Variants in FAM227B observed in about 807,000 individuals in gnomAD.
FAM227B encodes the protein protein FAM227B.
FAM227B carries 88 observed loss-of-function variants against 73.8 expected under a neutral mutation model. That is an observed-to-expected ratio of 1.19 (90% CI 1.00 to 1.42). The LOEUF (loss-of-function observed/expected upper bound fraction) is 1.42, where lower values mean the gene tolerates loss of function less well. Among genes scored for constraint, FAM227B ranks in the 40% most tolerant of loss-of-function variants. The pLI, the probability that FAM227B is intolerant of heterozygous loss-of-function variation, is 0.00. For synonymous variants in FAM227B, 210 were observed against 190.5 expected, an observed-to-expected ratio of 1.10 and a Z score of -0.84; for missense variants, 632 against 590.9, an observed-to-expected ratio of 1.07 and a Z score of -0.72.
intron 5 of FAM227B, among the ~76,000 whole-genome samples, chr15:49,581,493 T>A (rs1253750238): frequency 6.6e-6 from 1 of 152,118 alleles, no homozygotes; most frequent in Non-Finnish European, 1.5e-5. Context: ...TAATTTTGTA[T>A]TTTTAGTAGA....
chr15:49,403,296 G>T (rs1186310240), intron 11 of FAM227B, among the ~76,000 whole-genome samples: 2 of 152,178 alleles, frequency 1.3e-5, no homozygotes, highest in South Asian at 2.1e-4. Flanking sequence ...GAGCTAGGGA[G>T]GGGTCCCTCC....
At chr15:49,422,120 TAGAGAGAG>T (rs3075167) in intron 11 of FAM227B, among the ~76,000 whole-genome samples, 9 of 134,464 alleles carry the variant, frequency 6.7e-5, no homozygotes, top group African/African-American at 1.7e-4. Context: ...GCATTTCACA[TAGAGAGAG>T]AGAGAGAGAG....
intron 11 of FAM227B, among the ~76,000 whole-genome samples, chr15:49,495,949 G>C (rs1051029516): frequency 2.0e-5 from 3 of 152,070 alleles, no homozygotes; most frequent in African/African-American, 7.2e-5. Flanking sequence ...CTTGAACCCG[G>C]GAGGCAGAGG....
rs1303014955 is a variant in FAM227B, at chr15:49,585,722, T to A, written c.405+2294A>T. ...TGGGTGGAGGGGGGAGGGATAGCAG[T>A]AGGAGATATACCTAATGCTAAATGA... On this transcript the variant is annotated intron_variant, in intron 5 of 15. Transcript: ENST00000299338. Among the ~76,000 whole-genome samples the A allele has an allele frequency of 4.6e-5, 7 of 152,114 alleles. No individual in the cohort carries two copies. In the East Asian group the frequency reaches 1.3e-3, roughly 29 times the overall value.
intron 13 of FAM227B, among the ~76,000 whole-genome samples, chr15:49,351,849 G>C (rs1206931389): frequency 6.6e-6 from 1 of 152,214 alleles, no homozygotes; most frequent in African/African-American, 2.4e-5. Flanking sequence ...TTAGTCAGTG[G>C]ATGTGGGCTA....
chr15:49,441,008 T>C (rs1390469267), intron 11 of FAM227B, among the ~76,000 whole-genome samples: 1 of 151,828 alleles, frequency 6.6e-6, no homozygotes, highest in African/African-American at 2.4e-5. Context: ...TAATGTTTTA[T>C]CTTTCAAAGT....
chr15:49,329,806 TAAAAAA>T, intron 15 of FAM227B: 9 of 729,234 alleles, frequency 1.2e-5, no homozygotes, highest in African/African-American at 2.1e-5. Flanking sequence ...TGGATCAGTG[TAAAAAA>T]AAAAAAAAAA....
chr15:49,349,658 C>CTGA (rs772014125), intron 13 of FAM227B, among the ~76,000 whole-genome samples: 8 of 152,114 alleles, frequency 5.3e-5, no homozygotes, highest in Non-Finnish European at 1.0e-4. Context: ...CAGAGATTCA[C>CTGA]TGATCAGAAA....
chr15:49,337,173 TG>T (rs1476748636), intron 13 of FAM227B, among the ~76,000 whole-genome samples: 2 of 152,226 alleles, frequency 1.3e-5, no homozygotes, highest in African/African-American at 4.8e-5. Flanking sequence ...TATGTCTTTT[TG>T]GTGGAATAAT....
At chr15:49,611,690 G>C (rs1267054231) in intron 2 of FAM227B, among the ~76,000 whole-genome samples, 1 of 152,178 alleles carries the variant, frequency 6.6e-6, no homozygotes, top group African/African-American at 2.4e-5. Flanking sequence ...AAATTTAAAT[G>C]TTTGGATATT....
intron 3 of FAM227B, among the ~76,000 whole-genome samples, chr15:49,591,572 G>A (rs1223987256): frequency 1.7e-5 from 2 of 121,082 alleles, no homozygotes; most frequent in South Asian, 2.9e-4. Context: ...CACAACCTCC[G>A]CCTCCAAGGT....
intron 5 of FAM227B, among the ~76,000 whole-genome samples, chr15:49,580,818 C>T (rs906512288): frequency 5.9e-5 from 9 of 152,068 alleles, no homozygotes; most frequent in South Asian, 2.1e-4. Flanking sequence ...CTGAAAAACA[C>T]GCTAAAAGTA....
intron 11 of FAM227B, among the ~76,000 whole-genome samples, chr15:49,378,034 T>C (rs1363498304): frequency 6.6e-6 from 1 of 152,188 alleles, no homozygotes; most frequent in East Asian, 1.9e-4. Context: ...TTTCATTTTG[T>C]CTATGACAAG....
intron 10 of FAM227B, among the ~76,000 whole-genome samples, chr15:49,513,413 G>A (rs529169258): frequency 1.3e-5 from 2 of 152,164 alleles, no homozygotes; most frequent in African/African-American, 2.4e-5. Context: ...CTTTTGAGAA[G>A]TGTCTCTTCA....
chr15:49,529,436 G>A (rs1042966191), intron 10 of FAM227B, among the ~76,000 whole-genome samples: 1 of 151,644 alleles, frequency 6.6e-6, no homozygotes, highest in East Asian at 1.9e-4. Context: ...ATATATCTAT[G>A]TAACAAACCT....
intron 5 of FAM227B, among the ~76,000 whole-genome samples, chr15:49,578,737 T>A (rs558016816): frequency 6.6e-6 from 1 of 152,088 alleles, no homozygotes; most frequent in Non-Finnish European, 1.5e-5. Flanking sequence ...AAAAATGAGA[T>A]CAAATATGAT....
At chr15:49,578,466 A>G (rs977540526) in intron 5 of FAM227B, among the ~76,000 whole-genome samples, 2 of 150,920 alleles carry the variant, frequency 1.3e-5, no homozygotes, top group Admixed American at 1.3e-4. Flanking sequence ...TACTATAGAC[A>G]GACATAGATA....
chr15:49,384,465 T>G (rs1335382789), intron 11 of FAM227B, among the ~76,000 whole-genome samples: 1 of 151,980 alleles, frequency 6.6e-6, no homozygotes, highest in Non-Finnish European at 1.5e-5. Flanking sequence ...TCAGATGTAT[T>G]CTTAGGTAGC....
chr15:49,369,348 C>T (rs1227402501), intron 12 of FAM227B, among the ~76,000 whole-genome samples: 1 of 152,060 alleles, frequency 6.6e-6, no homozygotes, highest in Non-Finnish European at 1.5e-5. Context: ...GAGCAGAAAC[C>T]CTAATGTTTC....
Sources: gnomAD v4.1 joint callset for allele counts (sites outside exome capture counted in the v4.1 genomes callset) on GRCh38, gnomAD v4.1.1 for gene constraint, MANE v1.5 for transcripts, NCBI Gene and HGNC (gene_info 2026-07-23, HGNC 2026-07-21) for gene names.